CDX2: variants seen among roughly 807,000 people sequenced by gnomAD.
CDX2 encodes the protein caudal type homeobox 2.
A neutral mutation model predicts 25.5 loss-of-function variants in CDX2; 7 were observed. That is an observed-to-expected ratio of 0.27 (90% CI 0.16 to 0.52). The LOEUF (loss-of-function observed/expected upper bound fraction) is 0.52, where lower values mean the gene tolerates loss of function less well. Among genes scored for constraint, CDX2 ranks in the 20% least tolerant of loss-of-function variants. The pLI is 0.97. For synonymous variants in CDX2, 222 were observed against 198.6 expected (o/e 1.12, Z -0.99); for missense variants, 375 against 431.4 (o/e 0.87, Z 1.16).
intron 1 of CDX2, among the ~76,000 whole-genome samples, 169 bp from the exon 2 acceptor site, chr13:27,965,184 G>C (rs1048781849): frequency 3.3e-5 from 5 of 152,256 alleles, no homozygotes; most frequent in Non-Finnish European, 5.9e-5. Flanking sequence ...GGGTCCTGTG[G>C]GGGGAGGGTA....
chr13:27,962,650 G>A lies in CDX2; in HGVS notation c.*465C>T, dbSNP rs535528242. 88 of 235,446 alleles carry A rather than the reference G, an allele frequency of 3.7e-4. No homozygotes were observed. The highest frequency in any genetic ancestry group is 5.4e-4 in the Non-Finnish European group (65 of 119,402). The allele number at this position is 235,446 out of a possible 1,614,324, so 14.6% of individuals were successfully genotyped here. A position where few individuals can be genotyped will look rare whatever the true frequency, so the allele number is the denominator to read the frequency against. On this transcript the variant is annotated 3_prime_UTR_variant, in exon 3 of 3. Transcript: ENST00000381020. The stretch of plus-strand genomic sequence containing the variant: ...TCCGCAGTGTAAACCTTGCCTGCCC[G>A]GAGGCAGGAGGCCCAGCTGGACCTC...
Position 27,969,263 on chromosome 13 carries a change from A to G in CDX2, c.-257T>C. ...TCCCACTAGGCTGCAGAGGCGGGGAAGACCCGCCACAGGCTGGCGTGCGGA... is the reference window on the plus strand; with the variant it reads ...TCCCACTAGGCTGCAGAGGCGGGGAGGACCCGCCACAGGCTGGCGTGCGGA... On this transcript the variant is annotated 5_prime_UTR_variant, in exon 1 of 3. Transcript: ENST00000381020. The G allele has an allele frequency of 2.0e-6, 1 of 508,542 alleles. No individual in the cohort carries two copies. Among genetic ancestry groups the G allele is most frequent in the Non-Finnish European group, 3.5e-6 (1 of 288,896 alleles). The allele number at this position is 508,542 out of a possible 1,614,324, so 31.5% of individuals were successfully genotyped here.
intron 1 of CDX2, 56 bp downstream of exon 1, chr13:27,968,410 C>G: frequency 7.0e-7 from 1 of 1,420,618 alleles, no homozygotes. Flanking sequence ...GCAGCAGCCA[C>G]TGGCTCGACC....
intron 1 of CDX2, among the ~76,000 whole-genome samples, chr13:27,966,717 A>G (rs1869345142): frequency 6.6e-6 from 1 of 152,148 alleles, no homozygotes; most frequent in African/African-American, 2.4e-5. Flanking sequence ...CTGGGAACCT[A>G]GGAGCGGGGC....
chr13:27,962,453 C>G lies in CDX2; in HGVS notation c.*662G>C. On this transcript the variant is annotated 3_prime_UTR_variant, in exon 3 of 3. Transcript: ENST00000381020. Reference sequence around the variant, plus strand: ...CAGGCTCTCTAAACAAGTCCCTGTTCGGGCCCCCTGGTCAGGCCTGGAGTC... The same window carrying G: ...CAGGCTCTCTAAACAAGTCCCTGTTGGGGCCCCCTGGTCAGGCCTGGAGTC... 4.3e-6 allele frequency: 1 copy of G among 233,262 alleles called. No homozygotes were observed. The highest frequency in any genetic ancestry group is 8.5e-6 in the Non-Finnish European group (1 of 117,804). 14.4% of individuals were successfully genotyped at this position (233,262 alleles called of 1,614,324 possible).
chr13:27,963,470 A>G, intron 2 of CDX2, 101 bp from the exon 3 acceptor site: 7 of 988,828 alleles, frequency 7.1e-6, no homozygotes, highest in Non-Finnish European at 1.0e-5. Flanking sequence ...CTCCAGCTAC[A>G]GAACTCCAAG....
chr13:27,965,158 G>T, intron 1 of CDX2, 143 bp from the exon 2 acceptor site: 1 of 824,464 alleles, frequency 1.2e-6, no homozygotes, highest in South Asian at 1.7e-5. Flanking sequence ...TGCCAAGTCT[G>T]ACAAGACCCC....
Position 27,968,926 on chromosome 13 carries a change from C to A in CDX2, c.81G>T (p.Ala27=). The A allele has an allele frequency of 6.2e-7, 1 of 1,608,654 alleles. No homozygotes were observed. The highest frequency in any genetic ancestry group is 1.1e-5 in the South Asian group (1 of 90,420). ...SVRHSGGLNL[A]PQNFVSPPQY... ...GCGGGGGGCTGACGAAGTTCTGCGG[C>A]GCCAGGTTGAGGCCGCCAGAGTGGC... is the stretch of plus-strand genomic sequence containing the variant. The change falls in exon 1 of 3, where the codon GCG becomes GCT. Residue 27 remains alanine (A), a synonymous_variant. Transcript: ENST00000381020.
At position 27,962,038 on chromosome 13, in the gene CDX2, C is replaced by G. The variant is rs957293828; in HGVS notation, c.*1077G>C. 4.4e-6 allele frequency: 1 copy of G among 229,790 alleles called. No individual in the cohort carries two copies. Among genetic ancestry groups the G allele is most frequent in the Non-Finnish European group, 8.6e-6 (1 of 115,994 alleles). 14.2% of individuals were successfully genotyped at this position (229,790 alleles called of 1,614,324 possible). A position where few individuals can be genotyped will look rare whatever the true frequency, so the allele number is the denominator to read the frequency against. On this transcript the variant is annotated 3_prime_UTR_variant, in exon 3 of 3. Coordinates refer to ENST00000381020, the MANE Select transcript of CDX2 (RefSeq NM_001265.6). ...TGTCCAGATAATCTCCACTCCCTCT[C>G]TGAATTTTCCAAATCAGCTTGCAAG...
rs1308365564 is a variant in CDX2, at chr13:27,963,250, C to G, written c.807G>C (p.Gln269His). The change falls in exon 3 of 3, where the codon CAG (glutamine) becomes CAC (histidine). Residue 269 changes from glutamine (Q) to histidine (H), a missense_variant. This residue lies in a region of CDX2 where 58 missense variants were observed against 59.4 expected (regional missense o/e 0.98). Coordinates refer to ENST00000381020, the MANE Select transcript of CDX2 (RefSeq NM_001265.6). ...QPPPPPPQPPQPQPGPLRSVP... is the reference protein window; with the variant it reads ...QPPPPPPQPPHPQPGPLRSVP... ...CACTTCTCAGAGGACCTGGCTGAGG[C>G]TGGGGAGGCTGTGGTGGCGGCGGAG... 2 of 1,614,168 alleles carry G rather than the reference C, an allele frequency of 1.2e-6. No individual in the cohort carries two copies. Among genetic ancestry groups the G allele is most frequent in the South Asian group, 1.1e-5 (1 of 91,066 alleles).
chr13:27,963,072 T>C lies in CDX2; in HGVS notation c.*43A>G. 6.3e-7 allele frequency: 1 copy of C among 1,577,966 alleles called. No individual in the cohort carries two copies. ...AGTCTAGCAGAGTCCACGCTCCTCA[T>C]GGCTCAGCCTGGAATTGCTCTGCCG... On this transcript the variant is annotated 3_prime_UTR_variant, in exon 3 of 3. Coordinates refer to ENST00000381020, the MANE Select transcript of CDX2 (RefSeq NM_001265.6).
chr13:27,964,732 G>A lies in CDX2; in HGVS notation c.687+138C>T. On this transcript the variant is annotated intron_variant, in intron 2 of 2. Coordinates refer to ENST00000381020, the MANE Select transcript of CDX2 (RefSeq NM_001265.6). The surrounding 1 kb of genome is among the most constrained non-coding windows in gnomAD (Gnocchi z 4.7). ...TTAAAAAAAAAAAAAAAAAAAAAAA[G>A]GACTCCAAAGACGAATGCTTGCATC... The A allele has an allele frequency of 1.2e-5, 6 of 480,922 alleles. No individual in the cohort carries two copies. The highest frequency in any genetic ancestry group is 4.0e-5 in the East Asian group (1 of 25,052). The allele number at this position is 480,922 out of a possible 1,614,324, so 29.8% of individuals were successfully genotyped here.
At chr13:27,965,637 G>C (rs892546649) in intron 1 of CDX2, among the ~76,000 whole-genome samples, 44 of 152,334 alleles carry the variant, frequency 2.9e-4, no homozygotes, top group African/African-American at 1.1e-3. Context: ...TACCTGCCCA[G>C]ACCAGGTTTG....
Position 27,964,227 on chromosome 13 carries a change from G to A in CDX2, c.687+643C>T, listed in dbSNP as rs762632030. On this transcript the variant is annotated intron_variant, in intron 2 of 2. Coordinates refer to ENST00000381020, the MANE Select transcript of CDX2 (RefSeq NM_001265.6). This position sits in a 1 kb window ranked among gnomAD's most constrained non-coding sequence, Gnocchi z 4.7. ...CTAGCCTGACTAACATGGAGAAACC[G>A]CATTTCTACTAAAAATACAAAATTA... Among the ~76,000 whole-genome samples, 2 of 152,084 alleles carry A rather than the reference G, an allele frequency of 1.3e-5. No homozygotes were observed. Among genetic ancestry groups the A allele is most frequent in the Non-Finnish European group, 2.9e-5 (2 of 68,024 alleles).
chr13:27,964,697 C>A lies in CDX2; in HGVS notation c.687+173G>T, dbSNP rs1467953890. Among the ~76,000 whole-genome samples, 3 of 135,232 alleles carry A rather than the reference C, an allele frequency of 2.2e-5. No individual in the cohort carries two copies. The highest frequency in any genetic ancestry group is 1.6e-5 in the Non-Finnish European group (1 of 63,222). The allele number at this position is 135,232 out of a possible 152,430, so 88.7% of individuals were successfully genotyped here. A position where few individuals can be genotyped will look rare whatever the true frequency, so the allele number is the denominator to read the frequency against. On this transcript the variant is annotated intron_variant, in intron 2 of 2. Coordinates refer to ENST00000381020, the MANE Select transcript of CDX2 (RefSeq NM_001265.6). The surrounding 1 kb of genome is among the most constrained non-coding windows in gnomAD (Gnocchi z 4.7). ...CCAGCCTGGGCCACAAAGCAAGACC[C>A]CATCTCTGTTTAAAAAAAAAAAAAA...
chr13:27,965,820 C>T (rs770633732), intron 1 of CDX2, among the ~76,000 whole-genome samples: 1 of 152,220 alleles, frequency 6.6e-6, no homozygotes, highest in African/African-American at 2.4e-5. Context: ...GGAGCAGGCC[C>T]GAGCCTGGCG....
In CDX2 at chr13:27,968,622, C is replaced by G; in HGVS notation, c.385G>C (p.Ala129Pro). The change falls in exon 1 of 3, where the codon GCG (alanine) becomes CCG (proline). Residue 129 changes from alanine to proline, a missense_variant. By Grantham distance (27) the Ala-to-Pro change is conservative. Coordinates refer to ENST00000381020, the MANE Select transcript of CDX2 (RefSeq NM_001265.6). ...PHHHPHHPAAAPSCASGLLQT... is the reference protein window; with the variant it reads ...PHHHPHHPAAPPSCASGLLQT... The stretch of plus-strand genomic sequence containing the variant: ...AGCAGCCCAGAAGCGCAGGAAGGCG[C>G]GGCGGCCGGGTGGTGCGGGTGGTGA... 1 of 1,547,410 alleles carries G rather than the reference C, an allele frequency of 6.5e-7. No homozygotes were observed. The highest frequency in any genetic ancestry group is 8.7e-7 in the Non-Finnish European group (1 of 1,153,526).
chr13:27,969,175 G>T lies in CDX2; in HGVS notation c.-169C>A, dbSNP rs927162729. ...CTCGCGGCTCTTCTGCCTCCGAGGC[G>T]GTCCCTCCCTCTGGCCTGCCTCCTC... On this transcript the variant is annotated 5_prime_UTR_variant, in exon 1 of 3. Transcript: ENST00000381020. 1 of 560,498 alleles carries T rather than the reference G, an allele frequency of 1.8e-6. No individual in the cohort carries two copies. Among genetic ancestry groups the T allele is most frequent in the South Asian group, 2.2e-5 (1 of 46,352 alleles). 34.7% of individuals were successfully genotyped at this position (560,498 alleles called of 1,614,324 possible).
chr13:27,961,909 C>T lies in CDX2; in HGVS notation c.*1206G>A, dbSNP rs1208102351. Among the ~76,000 whole-genome samples, 2 of 151,662 alleles carry T rather than the reference C, an allele frequency of 1.3e-5. No individual in the cohort carries two copies. Among genetic ancestry groups the T allele is most frequent in the Non-Finnish European group, 2.9e-5 (2 of 67,904 alleles). ...AGATGTGCATTTTGCCCAAAGGCAC[C>T]CCCAGGAGAGCCACGCATTCCAAGG... On this transcript the variant is annotated 3_prime_UTR_variant, in exon 3 of 3. Transcript: ENST00000381020.
Sources: allele counts gnomAD v4.1 joint callset (sites outside exome capture counted in the v4.1 genomes callset), GRCh38; gene constraint gnomAD v4.1.1; regional missense constraint gnomAD v4.1.1; non-coding constraint Gnocchi (gnomAD v3.1); transcripts MANE v1.5; gene names NCBI Gene and HGNC (gene_info 2026-07-23, HGNC 2026-07-21).